The following CFAP96 variants were observed in gnomAD, a reference collection of about 807,000 sequenced individuals.
The protein encoded by CFAP96 is cilia and flagella associated protein 96.
At chr4:185,422,608 C>T in the CFAP96 span, 8 of 1,286,412 alleles carry the variant, frequency 6.2e-6, no homozygotes, top group Non-Finnish European at 7.7e-6. Flanking sequence ...TAAAACAAAA[C>T]AAACTCATAT....
chr4:185,425,099 G>A, the CFAP96 span, among the ~76,000 whole-genome samples: 1 of 152,240 alleles, frequency 6.6e-6, no homozygotes, highest in Admixed American at 6.5e-5. Flanking sequence ...AGTGACAACA[G>A]ACAGACATTT....
At chr4:185,436,666 C>T in the CFAP96 span, among the ~76,000 whole-genome samples, 9 of 151,324 alleles carry the variant, frequency 5.9e-5, no homozygotes, top group East Asian at 1.2e-3. Context: ...GCCAAGGTCG[C>T]GCCACTGCAC....
chr4:185,427,940 G>C, the CFAP96 span, among the ~76,000 whole-genome samples: 1 of 150,440 alleles, frequency 6.6e-6, no homozygotes, highest in Non-Finnish European at 1.5e-5. Flanking sequence ...TACAAAGTTA[G>C]CTGGGCGTGG....
chr4:185,436,191 AT>A, the CFAP96 span: 3 of 1,547,484 alleles, frequency 1.9e-6, no homozygotes, highest in Non-Finnish European at 8.7e-7. Flanking sequence ...TGGGTAAGAT[AT>A]TTTTAATACT....
At chr4:185,425,618 A>T in the CFAP96 span, among the ~76,000 whole-genome samples, 1 of 152,232 alleles carries the variant, frequency 6.6e-6, no homozygotes, top group South Asian at 2.1e-4. Context: ...AAATACTTTC[A>T]CACAGAGAAG....
the CFAP96 span, among the ~76,000 whole-genome samples, chr4:185,447,363 G>T: frequency 6.6e-6 from 1 of 151,976 alleles, no homozygotes; most frequent in East Asian, 1.9e-4. Flanking sequence ...TGTATTTTTA[G>T]TAGAGACGGG....
chr4:185,445,136 A>C, the CFAP96 span: 2 of 1,550,332 alleles, frequency 1.3e-6, no homozygotes, highest in African/African-American at 2.7e-5. Context: ...AGAAGGTGGG[A>C]ATATCTTACA....
At chr4:185,425,646 C>T in the CFAP96 span, among the ~76,000 whole-genome samples, 9 of 152,226 alleles carry the variant, frequency 5.9e-5, no homozygotes, top group African/African-American at 2.2e-4. Flanking sequence ...GGGTGCGTGT[C>T]CAAGGTGGCC....
chr4:185,426,139 G>A, the CFAP96 span: 2 of 533,346 alleles, frequency 3.7e-6, no homozygotes, highest in African/African-American at 3.8e-5. Context: ...CCTTCTGTGT[G>A]TTCTTCGATG....
chr4:185,446,271 T>G, the CFAP96 span, among the ~76,000 whole-genome samples: 9 of 152,332 alleles, frequency 5.9e-5, no homozygotes, highest in South Asian at 1.9e-3. Flanking sequence ...TGTGTTAACT[T>G]TTACCTAATC....
chr4:185,415,215 A>T, the CFAP96 span: 1 of 1,607,080 alleles, frequency 6.2e-7, no homozygotes, highest in Non-Finnish European at 8.5e-7. Context: ...TTGTTACAAG[A>T]TTTTTTTTCC....
At chr4:185,415,025 T>C in the CFAP96 span, 1 of 735,508 alleles carries the variant, frequency 1.4e-6, no homozygotes, top group Non-Finnish European at 2.1e-6. Context: ...ATGTGTAAAA[T>C]GAATAGTCTA....
chr4:185,418,547 T>A, the CFAP96 span: 2,947 of 1,610,498 alleles, frequency 1.8e-3, 3 homozygotes, highest in Non-Finnish European at 2.3e-3. Context: ...TATGAAATGA[T>A]GTTTTGAAAA....
At chr4:185,425,436 G>A in the CFAP96 span, among the ~76,000 whole-genome samples, 1 of 152,226 alleles carries the variant, frequency 6.6e-6, no homozygotes, top group African/African-American at 2.4e-5. Flanking sequence ...CGTCCCTGAA[G>A]AGCACCACCA....
At chr4:185,414,632 A>G in the CFAP96 span, among the ~76,000 whole-genome samples, 1 of 152,174 alleles carries the variant, frequency 6.6e-6, no homozygotes, top group Non-Finnish European at 1.5e-5. Context: ...TATCAAAAAG[A>G]TGCACTCCAA....
the CFAP96 span, among the ~76,000 whole-genome samples, chr4:185,449,062 A>T: frequency 6.6e-6 from 1 of 152,206 alleles, no homozygotes; most frequent in Non-Finnish European, 1.5e-5. Context: ...ACCAGAATTT[A>T]AAATTGATTC....
At chr4:185,429,495 T>A in the CFAP96 span, 5 of 1,528,250 alleles carry the variant, frequency 3.3e-6, no homozygotes, top group South Asian at 6.3e-5. Flanking sequence ...GTGATAAATA[T>A]GTGTCACAAT....
the CFAP96 span, among the ~76,000 whole-genome samples, chr4:185,447,331 G>C: frequency 1.3e-5 from 2 of 151,666 alleles, no homozygotes; most frequent in African/African-American, 4.8e-5. Context: ...ACAGGCGCCC[G>C]CCACCACGCC....
At chr4:185,415,418 A>T in the CFAP96 span, 438 of 1,325,836 alleles carry the variant, frequency 3.3e-4, 3 homozygotes, top group African/African-American at 6.0e-3. Flanking sequence ...TACAGAGCTA[A>T]TATATCCTTA....
Sources: allele counts gnomAD v4.1 joint callset (sites outside exome capture counted in the v4.1 genomes callset), GRCh38; gene constraint gnomAD v4.1.1; transcripts MANE v1.5; gene names NCBI Gene and HGNC (gene_info 2026-07-23, HGNC 2026-07-21).